The following DIAPH2 variants were observed in gnomAD, a reference collection of about 807,000 sequenced individuals.
DIAPH2 encodes diaphanous related formin 2.
DIAPH2 carries 35 observed loss-of-function variants against 92.7 expected under a neutral mutation model. That is an observed-to-expected ratio of 0.38 (90% CI 0.29 to 0.50). The LOEUF (loss-of-function observed/expected upper bound fraction) is 0.50. DIAPH2 is among the 20% of genes least tolerant of loss of function. The pLI is 0.94. For missense variants in DIAPH2, 701 were observed against 819.5 expected, an observed-to-expected ratio of 0.86 and a Z score of 1.77; for synonymous variants, 301 against 280.4, an observed-to-expected ratio of 1.07 and a Z score of -0.73.
At position 96,883,393 on chromosome X, in the gene DIAPH2, T is replaced by G. The variant is rs186161205; in HGVS notation, c.587+1675T>G. Among the ~76,000 whole-genome samples the G allele has an allele frequency of 1.7e-3, 184 of 108,237 alleles. 2 individuals are homozygous for G. The highest frequency in any genetic ancestry group is 5.9e-3 in the African/African-American group (176 of 30,031). 94.0% of individuals were successfully genotyped at this position (108,237 alleles called of 115,157 possible). A position where few individuals can be genotyped will look rare whatever the true frequency, so the allele number is the denominator to read the frequency against. ...TTTTGTTTTTTGTTTTTTGTTTTTT[T>G]TTTTGAGACGGAGTTTTGTTCTTGT... On this transcript the variant is annotated intron_variant, in intron 5 of 26. Coordinates refer to ENST00000324765, the MANE Select transcript of DIAPH2 (RefSeq NM_006729.5).
At chrX:97,506,543 T>C (rs191401483) in intron 26 of DIAPH2, among the ~76,000 whole-genome samples, 9 of 108,191 alleles carry the variant, frequency 8.3e-5, no homozygotes, top group Non-Finnish European at 1.7e-4. Context: ...GCTTATAGTT[T>C]CTGAAAGGTG....
At chrX:97,054,640 C>A (rs1344941859) in intron 17 of DIAPH2, among the ~76,000 whole-genome samples, 1 of 111,648 alleles carries the variant, frequency 9.0e-6, no homozygotes, top group African/African-American at 3.3e-5. Context: ...TTGGGATGTC[C>A]TGATTTTGTC....
chrX:96,878,118 T>A (rs2147742766), intron 4 of DIAPH2, among the ~76,000 whole-genome samples: 1 of 112,100 alleles, frequency 8.9e-6, no homozygotes, highest in East Asian at 2.8e-4. Flanking sequence ...CCCTATTAAG[T>A]ATTATGAGAA....
rs1018140967 is a variant in DIAPH2 at position 96,692,930 on chromosome X, G to C, written c.132+7740G>C. On this transcript the variant is annotated intron_variant, in intron 1 of 26. Coordinates refer to ENST00000324765, the MANE Select transcript of DIAPH2 (RefSeq NM_006729.5). ...TTTTCAGCCCCTTTGATATAGTCTAGGTTGCTGAATCTGGATAATTGGGTG... is the reference window on the plus strand; with the variant it reads ...TTTTCAGCCCCTTTGATATAGTCTACGTTGCTGAATCTGGATAATTGGGTG... Among the ~76,000 whole-genome samples the C allele has an allele frequency of 4.9e-4, 55 of 112,006 alleles. 1 individual carries two copies. Among genetic ancestry groups the C allele is most frequent in the African/African-American group, 1.7e-3 (53 of 30,805 alleles).
At chrX:96,857,608 A>G (rs1253926115) in intron 4 of DIAPH2, among the ~76,000 whole-genome samples, 1 of 112,265 alleles carries the variant, frequency 8.9e-6, no homozygotes, top group Non-Finnish European at 1.9e-5. Flanking sequence ...ATACATTTCG[A>G]AAGTTATGTT....
intron 26 of DIAPH2, among the ~76,000 whole-genome samples, chrX:97,437,984 G>A (rs970053042): frequency 9.1e-6 from 1 of 109,581 alleles, no homozygotes; most frequent in African/African-American, 3.3e-5. Flanking sequence ...AAAAAAATTA[G>A]GGAAGAAGAG....
intron 17 of DIAPH2, among the ~76,000 whole-genome samples, chrX:97,032,565 C>G (rs1185616161): frequency 9.2e-6 from 1 of 109,010 alleles, no homozygotes; most frequent in Non-Finnish European, 1.9e-5. Flanking sequence ...AGGCTTTTTT[C>G]TATTCTAATT....
chrX:97,083,854 ATCCCAGGAATG>A (rs997735492), intron 19 of DIAPH2, among the ~76,000 whole-genome samples: 2 of 111,906 alleles, frequency 1.8e-5, no homozygotes, highest in Non-Finnish European at 3.8e-5. Flanking sequence ...CAAATTCTAT[ATCCCAGGAATG>A]GAAAGTACTC....
intron 9 of DIAPH2, among the ~76,000 whole-genome samples, chrX:96,927,707 A>G (rs2065593306): frequency 9.0e-6 from 1 of 111,366 alleles, no homozygotes; most frequent in Non-Finnish European, 1.9e-5. Context: ...GCGTGTATGC[A>G]TGTGTTCACA....
chrX:96,949,088 G>T, intron 15 of DIAPH2, 49 bp downstream of exon 15: 2 of 870,949 alleles, frequency 2.3e-6, no homozygotes, highest in Non-Finnish European at 1.6e-6. Flanking sequence ...TGAGTTTGAT[G>T]GTAGAAAATT....
chrX:97,356,259 T>C (rs5921799), intron 24 of DIAPH2, among the ~76,000 whole-genome samples: 8,389 of 110,994 alleles, frequency 0.076, 410 homozygotes, highest in African/African-American at 0.18. Context: ...GCCCTCCTTC[T>C]CCCCTTTTGT....
At chrX:97,325,987 A>G (rs1279920856) in intron 23 of DIAPH2, among the ~76,000 whole-genome samples, 2 of 112,668 alleles carry the variant, frequency 1.8e-5, no homozygotes, top group African/African-American at 3.2e-5. Flanking sequence ...ACTTTATTTA[A>G]TCTAAGGCAT....
At chrX:97,017,585 G>T (rs773059786) in intron 17 of DIAPH2, among the ~76,000 whole-genome samples, 4 of 111,904 alleles carry the variant, frequency 3.6e-5, no homozygotes, top group Admixed American at 2.9e-4. Flanking sequence ...GAAATATATG[G>T]TTTTTAACTA....
intron 17 of DIAPH2, 88 bp downstream of exon 17, chrX:96,965,295 G>A: frequency 3.4e-6 from 2 of 593,307 alleles, no homozygotes; most frequent in East Asian, 4.8e-5. Flanking sequence ...ATGGGTATAT[G>A]TATACTTTTC....
intron 19 of DIAPH2, among the ~76,000 whole-genome samples, chrX:97,076,365 A>G (rs902019617): frequency 4.5e-5 from 5 of 110,652 alleles, no homozygotes; most frequent in Non-Finnish European, 7.6e-5. Context: ...CCCCGTCTCT[A>G]CTCAAAATAC....
At chrX:97,043,819 C>A (rs959738982) in intron 17 of DIAPH2, among the ~76,000 whole-genome samples, 4 of 112,074 alleles carry the variant, frequency 3.6e-5, no homozygotes, top group African/African-American at 1.3e-4. Flanking sequence ...TCAGCACATG[C>A]TGCTGGTTTT....
At chrX:96,921,847 A>G (rs532233304) in intron 9 of DIAPH2, among the ~76,000 whole-genome samples, 56 of 110,716 alleles carry the variant, frequency 5.1e-4, no homozygotes, top group Admixed American at 9.7e-4. Context: ...ATGTACATGT[A>G]TATACATACA....
chrX:97,014,823 A>G (rs1452104630), intron 17 of DIAPH2, among the ~76,000 whole-genome samples: 1 of 112,079 alleles, frequency 8.9e-6, no homozygotes, highest in Non-Finnish European at 1.9e-5. Flanking sequence ...ATATTACCTC[A>G]TAGGGTTTTC....
intron 17 of DIAPH2, among the ~76,000 whole-genome samples, chrX:97,017,738 T>C (rs958412312): frequency 1.8e-4 from 20 of 112,303 alleles, no homozygotes; most frequent in Non-Finnish European, 5.6e-5. Flanking sequence ...AATGATGATG[T>C]GATAGAAAAG....
Sources: gnomAD v4.1 joint callset for allele counts (sites outside exome capture counted in the v4.1 genomes callset) on GRCh38, gnomAD v4.1.1 for gene constraint, MANE v1.5 for transcripts, NCBI Gene and HGNC (gene_info 2026-07-23, HGNC 2026-07-21) for gene names.